DACT1: variants seen among roughly 807,000 people sequenced by gnomAD.
DACT1 encodes dapper homolog 1.
DACT1 carries 19 observed loss-of-function variants against 35.3 expected under a neutral mutation model. The ratio of observed to expected loss-of-function variants is 0.54; its 90% CI spans 0.38 to 0.79. The LOEUF is 0.79. DACT1 is among the 30% of genes least tolerant of loss of function. The pLI is 0.00. For synonymous variants in DACT1, 545 were observed against 466.7 expected (o/e 1.17, Z -2.16); for missense variants, 1,143 against 1,057.5 (o/e 1.08, Z -1.12).
Position 58,646,710 on chromosome 14 carries a change from GC to G in DACT1, c.1977del (p.Gly660ValfsTer65). On this transcript the variant is annotated frameshift_variant, in exon 4 of 4. Transcript: ENST00000395153. LOFTEE classifies it high-confidence loss of function. ...SYEEALRRAR[R>X]GRRENVGLYP... ...GAAGAGGCCCTGAGGAGGGCCCGGC[GC>G]GGTCGCCGGGAGAATGTGGGGCTGT... 6.2e-7 allele frequency: 1 copy of G among 1,613,298 alleles called. No homozygotes were observed. Among genetic ancestry groups the G allele is most frequent in the Non-Finnish European group, 8.5e-7 (1 of 1,179,938 alleles).
At position 58,645,899 on chromosome 14, in the gene DACT1, G is replaced by C; in HGVS notation, c.1165G>C (p.Glu389Gln). The change falls in exon 4 of 4, where the codon GAA becomes CAA. Residue 389 changes from glutamate (E) to glutamine (Q), a missense_variant. By Grantham distance (29) the Glu-to-Gln change is conservative (BLOSUM62 2). Coordinates refer to ENST00000395153, the MANE Select transcript of DACT1 (RefSeq NM_001079520.2). ...PKQWSKESKA[E>Q]QAESKRVPLP... ...GCAGTGGTCGAAAGAATCAAAGGCC[G>C]AACAAGCCGAAAGCAAGAGGGTGCC... 6.2e-7 allele frequency: 1 copy of C among 1,613,978 alleles called. No individual in the cohort carries two copies. Among genetic ancestry groups the C allele is most frequent in the South Asian group, 1.1e-5 (1 of 91,070 alleles).
At chr14:58,640,901 A>T (rs1158808287) in intron 2 of DACT1, 33 bp downstream of exon 2, 2 of 1,613,002 alleles carry the variant, frequency 1.2e-6, no homozygotes, top group South Asian at 2.2e-5. Context: ...AGAATTCTGC[A>T]CTCTTGAGTT....
At chr14:58,635,534 T>C (rs1403086226), upstream of DACT1, among the ~76,000 whole-genome samples, 1 of 152,252 alleles carries the variant, frequency 6.6e-6, no homozygotes, top group Non-Finnish European at 1.5e-5. Flanking sequence ...CCTTTTTTCC[T>C]ATTCGTGACC....
intron 3 of DACT1, among the ~76,000 whole-genome samples, chr14:58,643,451 TGAG>T (rs543772550): frequency 4.7e-4 from 71 of 152,338 alleles, no homozygotes; most frequent in Admixed American, 1.3e-3. Flanking sequence ...ACTGAGCAGC[TGAG>T]GGAGCTAATT....
chr14:58,645,824 C>T lies in DACT1; in HGVS notation c.1090C>T (p.Pro364Ser), dbSNP rs1443753776. Residue 364 changes from proline to serine, a missense_variant, in exon 4 of 4, where the codon CCC becomes TCC. Around this residue, in one of 3 missense-constraint regions of DACT1, gnomAD observed 1,054 missense variants for 958.8 expected, o/e 1.10. Coordinates refer to ENST00000395153, the MANE Select transcript of DACT1 (RefSeq NM_001079520.2). ...NLKNSKQACLPSGGIPSLNNG... is the reference protein window; with the variant it reads ...NLKNSKQACLSSGGIPSLNNG... ...TAAGAATTCGAAACAGGCGTGTCTGCCCTCTGGCGGGATACCTTCTCTGAA... is the reference window on the plus strand; with the variant it reads ...TAAGAATTCGAAACAGGCGTGTCTGTCCTCTGGCGGGATACCTTCTCTGAA... 11 of 1,614,124 alleles carry T rather than the reference C, an allele frequency of 6.8e-6. No individual in the cohort carries two copies. Among genetic ancestry groups the T allele is most frequent in the East Asian group, 2.2e-5 (1 of 44,894 alleles).
In DACT1 at chr14:58,639,531, T is replaced by G. The variant is rs369754710; in HGVS notation, c.345+984T>G. On this transcript the variant is annotated intron_variant, in intron 1 of 3. Coordinates refer to ENST00000395153, the MANE Select transcript of DACT1 (RefSeq NM_001079520.2). ...ACAATAAAGTGGTGATGCTGTGCAGTTGTCATGTGTTTTCTTCTATTATCT... is the reference window on the plus strand; with the variant it reads ...ACAATAAAGTGGTGATGCTGTGCAGGTGTCATGTGTTTTCTTCTATTATCT... Among the ~76,000 whole-genome samples the G allele has an allele frequency of 2.6e-5, 4 of 152,336 alleles. No homozygotes were observed. In the East Asian group the frequency reaches 5.8e-4, roughly 22 times the overall value.
upstream of DACT1, among the ~76,000 whole-genome samples, chr14:58,636,312 A>G (rs1439799619): frequency 6.6e-6 from 1 of 152,192 alleles, no homozygotes; most frequent in Admixed American, 6.5e-5. Flanking sequence ...GCTAATGAAA[A>G]AACAATTTAC....
At chr14:58,639,333 A>G in intron 1 of DACT1, 1 of 907,124 alleles carries the variant, frequency 1.1e-6, no homozygotes, top group Non-Finnish European at 1.3e-6. Context: ...AATGGGGAAG[A>G]AAAAGAACTT....
rs1481022066 is a variant in DACT1 at position 58,646,176 on chromosome 14, TC to T, written c.1448del (p.Pro483ArgfsTer60). On this transcript the variant is annotated frameshift_variant, in exon 4 of 4. Coordinates refer to ENST00000395153, the MANE Select transcript of DACT1 (RefSeq NM_001079520.2). LOFTEE classifies it low-confidence loss of function (END_TRUNC). Reference sequence around the variant, plus strand: ...TCACAGAAAAACAGCCTGCAGGGCGTCCCCCCGGCCACTCCTCCCCTGCTGT... The same window carrying T: ...TCACAGAAAAACAGCCTGCAGGGCGTCCCCCGGCCACTCCTCCCCTGCTGT... ...KMSQKNSLQG[V>X]PPATPPLLST... 6.2e-7 allele frequency: 1 copy of T among 1,613,168 alleles called. No individual in the cohort carries two copies. The highest frequency in any genetic ancestry group is 1.1e-5 in the South Asian group (1 of 90,986).
intron 1 of DACT1, 80 bp from the exon 2 acceptor site, chr14:58,640,656 A>C (rs1359207446): frequency 6.4e-7 from 1 of 1,554,712 alleles, no homozygotes. Context: ...TCAGATGGGT[A>C]ATTTGAATCC....
chr14:58,637,105 G>A (rs2047577840), upstream of DACT1, among the ~76,000 whole-genome samples: 1 of 152,224 alleles, frequency 6.6e-6, no homozygotes, highest in Admixed American at 6.5e-5. Context: ...AGAGAAGGGA[G>A]TAAGTTGCCC....
Position 58,638,641 on chromosome 14 carries a change from T to A in DACT1, c.345+94T>A, listed in dbSNP as rs1039614674. The A allele has an allele frequency of 3.2e-6, 4 of 1,245,150 alleles. No individual in the cohort carries two copies. The South Asian group carries it at 1.6e-4, about 50-fold the overall frequency. 77.1% of individuals were successfully genotyped at this position (1,245,150 alleles called of 1,614,324 possible). A position where few individuals can be genotyped will look rare whatever the true frequency, so the allele number is the denominator to read the frequency against. ...GGGCGGGCGCGAGGTTGACTCTGGC[T>A]GGGGAGATGCTCGCTGTTATGGGAC... On this transcript the variant is annotated intron_variant, in intron 1 of 3. Transcript: ENST00000395153.
In DACT1 at chr14:58,647,491, G is replaced by T. The variant is rs2047705207; in HGVS notation, c.*357G>T. 3.5e-6 allele frequency: 1 copy of T among 283,282 alleles called. No homozygotes were observed. The highest frequency in any genetic ancestry group is 7.0e-6 in the Non-Finnish European group (1 of 143,594). 17.5% of individuals were successfully genotyped at this position (283,282 alleles called of 1,614,324 possible). On this transcript the variant is annotated 3_prime_UTR_variant, in exon 4 of 4. Transcript: ENST00000395153. ...TTTTGATCCCAAGGTCAGGTGGATG[G>T]AATTTTTGGATTTATATTTGTTCCT...
Position 58,638,190 on chromosome 14 carries a change from C to G in DACT1, c.-13C>G, listed in dbSNP as rs768092872. On this transcript the variant is annotated 5_prime_UTR_variant, in exon 1 of 4. Coordinates refer to ENST00000395153, the MANE Select transcript of DACT1 (RefSeq NM_001079520.2). ...CGGCTGCGGTGACGGCTCTCGCTGC[C>G]CGACTGGGGGCCATGAAGCCGAGTC... 7.7e-6 allele frequency: 10 copies of G among 1,299,828 alleles called. No homozygotes were observed. In the South Asian group the frequency reaches 1.1e-4, roughly 14 times the overall value. 80.5% of individuals were successfully genotyped at this position (1,299,828 alleles called of 1,614,324 possible). A position where few individuals can be genotyped will look rare whatever the true frequency, so the allele number is the denominator to read the frequency against.
rs1218141395 is a variant in DACT1, at chr14:58,646,320, G to C, written c.1586G>C (p.Ser529Thr). Reference sequence around the variant, plus strand: ...CAGTTTATCCCGGGGCAGCAGCCCAGTGTCAGGCTCCACCGGGGCCACAGG... The same window carrying C: ...CAGTTTATCCCGGGGCAGCAGCCCACTGTCAGGCTCCACCGGGGCCACAGG... ...KAQFIPGQQP[S>T]VRLHRGHRNM... Residue 529 changes from serine (S) to threonine (T), a missense_variant, in exon 4 of 4, where the codon AGT becomes ACT. Around this residue, in one of 3 missense-constraint regions of DACT1, gnomAD observed 1,054 missense variants for 958.8 expected, o/e 1.10. Coordinates refer to ENST00000395153, the MANE Select transcript of DACT1 (RefSeq NM_001079520.2). 6.2e-7 allele frequency: 1 copy of C among 1,610,130 alleles called. No individual in the cohort carries two copies. The highest frequency in any genetic ancestry group is 2.2e-5 in the East Asian group (1 of 44,868).
rs147227144 is a variant in DACT1 at position 58,646,775 on chromosome 14, G to A, written c.2041G>A (p.Ala681Thr). The A allele has an allele frequency of 6.2e-6, 10 of 1,614,012 alleles. No individual in the cohort carries two copies. The African/African-American group carries it at 1.1e-4, about 17-fold the overall frequency. ...GCCTCTGCCCTACGCCAGCCCCTAC[G>A]CCTACGTGGCTAGCGACTCCGAGTA... ...PVPLPYASPY[A>T]YVASDSEYSA... is the part of the protein sequence containing the mutation. The change falls in exon 4 of 4, where the codon GCC becomes ACC. Residue 681 changes from alanine (A) to threonine (T), a missense_variant. Physicochemically the swap from Ala to Thr is moderately conservative, Grantham distance 58. Coordinates refer to ENST00000395153, the MANE Select transcript of DACT1 (RefSeq NM_001079520.2).
chr14:58,639,345 G>A, intron 1 of DACT1: 1 of 824,234 alleles, frequency 1.2e-6, no homozygotes, highest in Non-Finnish European at 1.5e-6. Context: ...AAAGAACTTT[G>A]TAGCTTAATG....
At chr14:58,634,669 C>A (rs2047562807), upstream of DACT1, among the ~76,000 whole-genome samples, 1 of 152,196 alleles carries the variant, frequency 6.6e-6, no homozygotes, top group African/African-American at 2.4e-5. Flanking sequence ...TTTGTTTGGC[C>A]ATAAAAGCTG....
Position 58,647,119 on chromosome 14 carries a change from G to A in DACT1, c.2385G>A (p.Leu795=). The change falls in exon 4 of 4, where the codon CTG becomes CTA. Residue 795 remains leucine, a synonymous_variant. Coordinates refer to ENST00000395153, the MANE Select transcript of DACT1 (RefSeq NM_001079520.2). The part of the protein sequence containing the change: ...ILRFRSGSLK[L]MTTV The stretch of plus-strand genomic sequence containing the variant: ...GCTTTCGGTCTGGCTCTTTGAAACT[G>A]ATGACGACGGTTTGAGTGACATCAT... The A allele has an allele frequency of 6.2e-7, 1 of 1,613,944 alleles. No individual in the cohort carries two copies. The highest frequency in any genetic ancestry group is 8.5e-7 in the Non-Finnish European group (1 of 1,179,996).
Sources: gnomAD v4.1 joint callset for allele counts (sites outside exome capture counted in the v4.1 genomes callset) on GRCh38, gnomAD v4.1.1 for gene constraint, gnomAD v4.1.1 regional missense constraint, MANE v1.5 for transcripts, NCBI Gene and HGNC (gene_info 2026-07-23, HGNC 2026-07-21) for gene names.